The following CDK14 variants were observed in gnomAD, a reference collection of about 807,000 sequenced individuals.
The protein encoded by CDK14 is cyclin dependent kinase 14, also known as cyclin-dependent kinase 14.
A neutral mutation model predicts 60.7 loss-of-function variants in CDK14; 34 were observed. The observed-to-expected ratio is 0.56, with a 90% CI of 0.43 to 0.75. The LOEUF (loss-of-function observed/expected upper bound fraction) is 0.75, where lower values mean the gene tolerates loss of function less well. CDK14 is among the 30% of genes least tolerant of loss of function. The pLI is 0.00. For missense variants in CDK14, 482 were observed against 564.1 expected (o/e 0.85, Z 1.47); for synonymous variants, 197 against 203.7 (o/e 0.97, Z 0.28).
chr7:90,781,615 A>C (rs1014945808), intron 4 of CDK14, among the ~76,000 whole-genome samples: 2 of 150,682 alleles, frequency 1.3e-5, no homozygotes, highest in Non-Finnish European at 2.9e-5. Flanking sequence ...GAAAGGATCC[A>C]GTTTCAGCTT....
At chr7:90,664,247 T>C (rs1165106361) in intron 2 of CDK14, among the ~76,000 whole-genome samples, 1 of 152,230 alleles carries the variant, frequency 6.6e-6, no homozygotes, top group South Asian at 2.1e-4. Flanking sequence ...AGATTCCATC[T>C]CACACCAGTT....
chr7:90,608,175 T>A (rs1475966882), intron 2 of CDK14, among the ~76,000 whole-genome samples: 1 of 152,170 alleles, frequency 6.6e-6, no homozygotes, highest in Non-Finnish European at 1.5e-5. Flanking sequence ...TTGTTCCTAA[T>A]AAATGACCAG....
At chr7:91,075,557 C>G (rs1234897041) in intron 11 of CDK14, among the ~76,000 whole-genome samples, 1 of 152,190 alleles carries the variant, frequency 6.6e-6, no homozygotes, top group Non-Finnish European at 1.5e-5. Context: ...AAAACCGTCA[C>G]AAGACAAGGA....
chr7:90,993,025 T>C (rs577101726), intron 10 of CDK14, among the ~76,000 whole-genome samples: 109 of 151,934 alleles, frequency 7.2e-4, no homozygotes, highest in African/African-American at 2.5e-3. Flanking sequence ...TTTTGGAGAG[T>C]AGATGATAGT....
chr7:90,928,263 C>T lies in CDK14; in HGVS notation c.826+10539C>T, dbSNP rs753993418. Reference sequence around the variant, plus strand: ...CCGTCCAGCTTTGTTCCATTGCTGGCGATGAACTGCGTTCCTTTGGAGGAG... The same window carrying T: ...CCGTCCAGCTTTGTTCCATTGCTGGTGATGAACTGCGTTCCTTTGGAGGAG... On this transcript the variant is annotated intron_variant, in intron 8 of 14. Coordinates refer to ENST00000380050, the MANE Select transcript of CDK14 (RefSeq NM_001287135.2). Among the ~76,000 whole-genome samples, 221 of 152,318 alleles carry T rather than the reference C, an allele frequency of 1.5e-3. 1 individual carries two copies. Among genetic ancestry groups the T allele is most frequent in the Non-Finnish European group, 2.7e-3 (187 of 68,038 alleles).
chr7:91,136,587 C>T (rs1372865419), intron 14 of CDK14, among the ~76,000 whole-genome samples: 2 of 152,118 alleles, frequency 1.3e-5, no homozygotes, highest in Non-Finnish European at 2.9e-5. Flanking sequence ...TATAAACATA[C>T]AGACTAAACA....
intron 11 of CDK14, among the ~76,000 whole-genome samples, chr7:91,056,238 C>T (rs1797550958): frequency 6.6e-6 from 1 of 152,050 alleles, no homozygotes; most frequent in Non-Finnish European, 1.5e-5. Context: ...GCACAGCTGT[C>T]CAGTTTGACC....
At chr7:90,793,342 T>C (rs1477597518) in intron 5 of CDK14, among the ~76,000 whole-genome samples, 1 of 152,254 alleles carries the variant, frequency 6.6e-6, no homozygotes, top group Non-Finnish European at 1.5e-5. Flanking sequence ...TAATGCCAAA[T>C]TATTTATAAA....
At chr7:90,706,650 G>A (rs1416510069) in intron 2 of CDK14, among the ~76,000 whole-genome samples, 1 of 152,172 alleles carries the variant, frequency 6.6e-6, no homozygotes, top group Non-Finnish European at 1.5e-5. Context: ...AGGTCCAACT[G>A]AGTAATGGGA....
intron 10 of CDK14, among the ~76,000 whole-genome samples, chr7:91,032,681 C>A (rs925565108): frequency 2.0e-5 from 3 of 152,166 alleles, no homozygotes; most frequent in Non-Finnish European, 4.4e-5. Context: ...CCTAAACCCC[C>A]CAGAGGGGAC....
chr7:91,036,449 C>T (rs1796937379), intron 10 of CDK14, among the ~76,000 whole-genome samples: 1 of 152,094 alleles, frequency 6.6e-6, no homozygotes, highest in African/African-American at 2.4e-5. Flanking sequence ...TTCACAAGTC[C>T]ACTTAGATGT....
At chr7:90,698,819 CTG>C in intron 2 of CDK14, among the ~76,000 whole-genome samples, 1 of 152,166 alleles carries the variant, frequency 6.6e-6, no homozygotes, top group Non-Finnish European at 1.5e-5. Flanking sequence ...CCTTTCTAAT[CTG>C]TTTGGTAAAC....
At chr7:90,703,765 A>T (rs990578875) in intron 2 of CDK14, among the ~76,000 whole-genome samples, 2 of 152,206 alleles carry the variant, frequency 1.3e-5, no homozygotes, top group Non-Finnish European at 2.9e-5. Context: ...CACAACATGT[A>T]GGGATGAGGA....
chr7:90,997,539 C>T (rs1488122187), intron 10 of CDK14, among the ~76,000 whole-genome samples: 2 of 152,112 alleles, frequency 1.3e-5, no homozygotes, highest in African/African-American at 4.8e-5. Flanking sequence ...TCATTAATGG[C>T]AGATAACATT....
At chr7:90,977,096 G>A (rs76847410) in intron 9 of CDK14, among the ~76,000 whole-genome samples, 3,833 of 152,176 alleles carry the variant, frequency 0.025, 82 homozygotes, top group Non-Finnish European at 0.04. Context: ...AATTCATTTT[G>A]AGGTGATTTT....
At chr7:90,810,255 C>G (rs942282325) in intron 5 of CDK14, among the ~76,000 whole-genome samples, 2 of 152,160 alleles carry the variant, frequency 1.3e-5, no homozygotes, top group African/African-American at 4.8e-5. Flanking sequence ...AGCAACACAT[C>G]AAAAAGTTTA....
chr7:90,940,615 G>C (rs1386616032), intron 8 of CDK14, among the ~76,000 whole-genome samples: 1 of 151,872 alleles, frequency 6.6e-6, no homozygotes, highest in African/African-American at 2.4e-5. Flanking sequence ...GCAAAACTCT[G>C]TCCCTACAAA....
At chr7:90,639,383 T>C (rs1046888339) in intron 2 of CDK14, among the ~76,000 whole-genome samples, 1 of 152,112 alleles carries the variant, frequency 6.6e-6, no homozygotes, top group Non-Finnish European at 1.5e-5. Flanking sequence ...TGGAGTTTGC[T>C]AGAGGTCCAC....
rs3802033 is a variant in CDK14, at chr7:90,856,609, G to C, written c.545-6566G>C. On this transcript the variant is annotated intron_variant, in intron 5 of 14. Coordinates refer to ENST00000380050, the MANE Select transcript of CDK14 (RefSeq NM_001287135.2). ...TCTGCTAGACTGTCTCCTCATTACA[G>C]ACAGTTAAACAAGCAATCCTGTCTC... 7.9e-4 allele frequency among the ~76,000 whole-genome samples: 120 copies of C among 152,300 alleles called. 2 individuals are homozygous for C. The East Asian group carries it at 0.017, about 22-fold the overall frequency.
Sources: gnomAD v4.1 joint callset for allele counts (sites outside exome capture counted in the v4.1 genomes callset) on GRCh38, gnomAD v4.1.1 for gene constraint, MANE v1.5 for transcripts, NCBI Gene and HGNC (gene_info 2026-07-23, HGNC 2026-07-21) for gene names.